Variants in SIK3 observed in about 807,000 individuals in gnomAD.
SIK3 encodes serine/threonine-protein kinase SIK3.
SIK3 carries 28 observed loss-of-function variants against 144.2 expected under a neutral mutation model. That is an observed-to-expected ratio of 0.19 (90% CI 0.14 to 0.27). SIK3 has a LOEUF of 0.27. SIK3 is among the 10% of genes least tolerant of loss of function. The pLI is 1.00. For synonymous variants in SIK3, 686 were observed against 676.3 expected (o/e 1.01, Z -0.22); for missense variants, 1,319 against 1,776.0 (o/e 0.74, Z 4.62).
intron 1 of SIK3, among the ~76,000 whole-genome samples, chr11:116,992,720 G>A (rs950808643): frequency 5.3e-5 from 8 of 152,218 alleles, no homozygotes; most frequent in African/African-American, 1.9e-4. Flanking sequence ...AGTAGCTCAT[G>A]ACTATAATAA....
chr11:116,938,896 C>T lies in SIK3; in HGVS notation c.455-11516G>A, dbSNP rs568515961. Among the ~76,000 whole-genome samples the T allele has an allele frequency of 2.6e-5, 4 of 152,234 alleles. No individual in the cohort carries two copies. In the South Asian group the frequency reaches 8.3e-4, roughly 32 times the overall value. On this transcript the variant is annotated intron_variant, in intron 3 of 24. Coordinates refer to ENST00000445177, the MANE Select transcript of SIK3 (RefSeq NM_001366686.3). ...AATGGACTGAAGCACATAAAATATA[C>T]TAAAATCCATAATTGCATAATTATG...
intron 14 of SIK3, 128 bp downstream of exon 14, chr11:116,870,203 C>G (rs928328044): frequency 1.6e-5 from 25 of 1,548,998 alleles, no homozygotes; most frequent in Non-Finnish European, 1.9e-5. Context: ...TGCCATCTGG[C>G]TTGAGCAAAG....
At chr11:117,081,210 T>C (rs80068626) in intron 1 of SIK3, among the ~76,000 whole-genome samples, 3,741 of 152,282 alleles carry the variant, frequency 0.025, 87 homozygotes, top group South Asian at 0.11. Flanking sequence ...AAATAGTTAA[T>C]GTTTTCTCTG....
intron 3 of SIK3, among the ~76,000 whole-genome samples, chr11:116,938,622 GGAGGAGAGGAGAGGA>G (rs1180127256): frequency 7.0e-4 from 24 of 34,438 alleles, no homozygotes; most frequent in South Asian, 3.6e-3. Flanking sequence ...AGAGGGGAGG[GGAGGAGAGGAGAGGA>G]GAGGAGAGGA....
intron 3 of SIK3, among the ~76,000 whole-genome samples, chr11:116,942,889 T>G (rs967351826): frequency 1.3e-5 from 2 of 152,100 alleles, no homozygotes; most frequent in Non-Finnish European, 2.9e-5. Context: ...AGTGGTAAGG[T>G]CCCACTTGAA....
chr11:116,932,509 C>T (rs1309310548), intron 3 of SIK3, among the ~76,000 whole-genome samples: 4 of 152,102 alleles, frequency 2.6e-5, no homozygotes, highest in Admixed American at 2.0e-4. Context: ...TACAACTATT[C>T]GGACTCAGTC....
intron 4 of SIK3, among the ~76,000 whole-genome samples, chr11:116,903,599 G>A (rs1005182953): frequency 6.6e-6 from 1 of 151,678 alleles, no homozygotes; most frequent in Non-Finnish European, 1.5e-5. Flanking sequence ...CTTTTTTTTT[G>A]GAGATGGAGT....
intron 4 of SIK3, among the ~76,000 whole-genome samples, chr11:116,914,355 T>C (rs1343023353): frequency 2.0e-5 from 3 of 151,952 alleles, no homozygotes; most frequent in Non-Finnish European, 4.4e-5. Flanking sequence ...ACTACAGGCA[T>C]GTGCCACCAC....
intron 1 of SIK3, among the ~76,000 whole-genome samples, chr11:116,960,728 AAG>A (rs1461538528): frequency 1.3e-5 from 2 of 152,134 alleles, no homozygotes; most frequent in African/African-American, 4.8e-5. Context: ...ACCTACTTTA[AAG>A]TGATTTTGGG....
chr11:116,926,882 G>A (rs1013187722), intron 4 of SIK3, among the ~76,000 whole-genome samples: 2 of 152,042 alleles, frequency 1.3e-5, no homozygotes, highest in Non-Finnish European at 2.9e-5. Context: ...TTAGCCAGGC[G>A]TGGTGATGCG....
At chr11:116,962,331 G>A (rs906101195) in intron 1 of SIK3, among the ~76,000 whole-genome samples, 4 of 152,316 alleles carry the variant, frequency 2.6e-5, no homozygotes, top group Non-Finnish European at 5.9e-5. Flanking sequence ...CTTCCAAGAC[G>A]AGAAAGAGGA....
At chr11:116,928,150 T>C (rs1176274804) in intron 3 of SIK3, among the ~76,000 whole-genome samples, 1 of 152,244 alleles carries the variant, frequency 6.6e-6, no homozygotes, top group African/African-American at 2.4e-5. Flanking sequence ...CATAATACTA[T>C]AAAGCAGGCT....
intron 4 of SIK3, among the ~76,000 whole-genome samples, chr11:116,915,052 CTATT>C (rs991144200): frequency 3.3e-5 from 5 of 151,562 alleles, no homozygotes; most frequent in African/African-American, 7.3e-5. Context: ...GTGACCCACA[CTATT>C]TATTTCAATT....
intron 1 of SIK3, among the ~76,000 whole-genome samples, chr11:117,000,080 T>C (rs1186390364): frequency 1.3e-5 from 2 of 152,234 alleles, no homozygotes; most frequent in East Asian, 3.8e-4. Context: ...TAGATATGTA[T>C]ATTAGATAGT....
chr11:116,943,231 T>G (rs1271502996), intron 3 of SIK3, among the ~76,000 whole-genome samples: 3 of 150,744 alleles, frequency 2.0e-5, no homozygotes, highest in African/African-American at 7.3e-5. Context: ...ATGTTCAAAG[T>G]GAAGAAAAAA....
intron 1 of SIK3, among the ~76,000 whole-genome samples, chr11:117,071,150 G>A (rs1369113527): frequency 6.6e-6 from 1 of 151,282 alleles, no homozygotes; most frequent in African/African-American, 2.4e-5. Context: ...ACATTCAGCA[G>A]GGCAGACTGA....
intron 6 of SIK3, among the ~76,000 whole-genome samples, chr11:116,888,542 C>T (rs1944944441): frequency 6.6e-6 from 1 of 152,216 alleles, no homozygotes; most frequent in Non-Finnish European, 1.5e-5. Flanking sequence ...TTCTGCTATG[C>T]CTTATCCTTT....
intron 11 of SIK3, among the ~76,000 whole-genome samples, chr11:116,874,498 T>C (rs1944139378): frequency 6.6e-6 from 1 of 152,226 alleles, no homozygotes; most frequent in Non-Finnish European, 1.5e-5. Flanking sequence ...TACAGGGCTA[T>C]CTTGCTACAA....
intron 1 of SIK3, among the ~76,000 whole-genome samples, chr11:117,041,941 T>A (rs143071419): frequency 2.2e-4 from 33 of 152,254 alleles, no homozygotes; most frequent in African/African-American, 7.5e-4. Context: ...TCTTTTTCTC[T>A]CCAGTTTACC....
Sources: gnomAD v4.1 joint callset for allele counts (sites outside exome capture counted in the v4.1 genomes callset) on GRCh38, gnomAD v4.1.1 for gene constraint, MANE v1.5 for transcripts, NCBI Gene and HGNC (gene_info 2026-07-23, HGNC 2026-07-21) for gene names.